Variants in SYNRG observed in about 807,000 individuals in gnomAD.
The protein encoded by SYNRG is synergin gamma, also known as AP1 gamma subunit binding protein 1.
SYNRG carries 37 observed loss-of-function variants against 130.9 expected under a neutral mutation model. The observed-to-expected ratio is 0.28, with a 90% CI of 0.22 to 0.37. SYNRG has a LOEUF of 0.37. Among genes scored for constraint, SYNRG ranks in the 10% least tolerant of loss-of-function variants. SYNRG has a pLI of 1.00. For synonymous variants in SYNRG, 539 were observed against 568.1 expected, an observed-to-expected ratio of 0.95 and a Z score of 0.73; for missense variants, 1,338 against 1,588.9, an observed-to-expected ratio of 0.84 and a Z score of 2.68.
At chr17:37,540,282 C>A in intron 16 of SYNRG, 98 bp downstream of exon 16, 2 of 1,405,136 alleles carry the variant, frequency 1.4e-6, no homozygotes, top group East Asian at 2.3e-5. Context: ...TCTTTCTGCC[C>A]CTCATTTTCC....
chr17:37,588,252 T>A (rs1195839639), intron 3 of SYNRG, among the ~76,000 whole-genome samples: 1 of 147,652 alleles, frequency 6.8e-6, no homozygotes, highest in Non-Finnish European at 1.5e-5. Flanking sequence ...GGATTCACTT[T>A]AAATTCTTTT....
chr17:37,600,303 T>C, intron 2 of SYNRG, 60 bp downstream of exon 2: 3 of 1,433,508 alleles, frequency 2.1e-6, no homozygotes, highest in South Asian at 2.8e-5. Flanking sequence ...CTTATTTAAT[T>C]CCCAGATTCA....
chr17:37,560,960 C>T (rs2059483387), intron 13 of SYNRG, among the ~76,000 whole-genome samples: 1 of 152,184 alleles, frequency 6.6e-6, no homozygotes, highest in African/African-American at 2.4e-5. Context: ...CCACTGCACC[C>T]AGCCTAAACA....
At chr17:37,571,670 A>G in intron 9 of SYNRG, 121 bp downstream of exon 9, 1 of 871,808 alleles carries the variant, frequency 1.1e-6, no homozygotes, top group Non-Finnish European at 1.7e-6. Context: ...GAAGTACTAT[A>G]TCCTGAAAAT....
chr17:37,589,247 C>A (rs2061942871), intron 3 of SYNRG, among the ~76,000 whole-genome samples: 1 of 152,152 alleles, frequency 6.6e-6, no homozygotes. Flanking sequence ...GACCACGAAT[C>A]AGCTATAATT....
intron 19 of SYNRG, among the ~76,000 whole-genome samples, chr17:37,521,456 G>A (rs1160255592): frequency 6.6e-6 from 1 of 152,118 alleles, no homozygotes; most frequent in African/African-American, 2.4e-5. Context: ...CACAGGCAAA[G>A]GCTCTGAGCT....
intron 19 of SYNRG, among the ~76,000 whole-genome samples, chr17:37,521,187 C>G (rs542105082): frequency 1.3e-5 from 2 of 151,902 alleles, no homozygotes; most frequent in African/African-American, 4.8e-5. Context: ...CGCGCCACCA[C>G]GTCTGGTTAA....
At chr17:37,606,975 A>G (rs2147201303) in intron 1 of SYNRG, among the ~76,000 whole-genome samples, 1 of 152,302 alleles carries the variant, frequency 6.6e-6, no homozygotes, top group South Asian at 2.1e-4. Flanking sequence ...AAGAAAATTA[A>G]AAAGGAAATA....
chr17:37,559,718 A>G (rs571809283), intron 13 of SYNRG, among the ~76,000 whole-genome samples: 5 of 152,204 alleles, frequency 3.3e-5, no homozygotes, highest in Non-Finnish European at 7.4e-5. Context: ...TGCTGCCTTT[A>G]CAGTCCGCAG....
rs530693398 is a variant in SYNRG, at chr17:37,569,409, G to GAA, written c.1348-487_1348-486dup. 2.4e-3 allele frequency among the ~76,000 whole-genome samples: 142 copies of GAA among 59,322 alleles called. 3 individuals carry two copies. Among genetic ancestry groups the GAA allele is most frequent in the South Asian group, 9.3e-3 (16 of 1,722 alleles). The allele number at this position is 59,322 out of a possible 152,430, so 38.9% of individuals were successfully genotyped here. ...TGGGCGACAGAGCAAGACTCTGGCT[G>GAA]AAAAAAAAAAAAAAAAAAAGCTAAT... On this transcript the variant is annotated intron_variant, in intron 10 of 21. Coordinates refer to ENST00000612223, the MANE Select transcript of SYNRG (RefSeq NM_007247.6).
chr17:37,594,020 A>C (rs1209905727), intron 3 of SYNRG, among the ~76,000 whole-genome samples: 1 of 151,946 alleles, frequency 6.6e-6, no homozygotes, highest in East Asian at 1.9e-4. Flanking sequence ...GACATTATTA[A>C]GGTACTAACA....
At chr17:37,587,882 G>A (rs539833462) in intron 3 of SYNRG, among the ~76,000 whole-genome samples, 53 of 152,248 alleles carry the variant, frequency 3.5e-4, no homozygotes, top group African/African-American at 1.2e-3. Flanking sequence ...TAGGCATCCC[G>A]ACACTTGACC....
chr17:37,555,887 CAG>C (rs756781592), intron 13 of SYNRG, among the ~76,000 whole-genome samples: 33 of 152,010 alleles, frequency 2.2e-4, no homozygotes, highest in Non-Finnish European at 4.6e-4. Flanking sequence ...GCCTGGGGGA[CAG>C]AGAGAGATTC....
chr17:37,572,425 C>T (rs1391961009), intron 8 of SYNRG, among the ~76,000 whole-genome samples: 3 of 148,684 alleles, frequency 2.0e-5, no homozygotes, highest in African/African-American at 5.0e-5. Context: ...AGTGAGACTC[C>T]GTTTCAAAAA....
chr17:37,594,682 G>C (rs924900822), intron 3 of SYNRG, among the ~76,000 whole-genome samples: 1 of 151,988 alleles, frequency 6.6e-6, no homozygotes, highest in Non-Finnish European at 1.5e-5. Flanking sequence ...GGCTGGTCTC[G>C]ATCTCCTGAA....
chr17:37,561,106 T>C (rs2059496446), intron 13 of SYNRG, 89 bp downstream of exon 13: 3 of 1,109,872 alleles, frequency 2.7e-6, no homozygotes, highest in Non-Finnish European at 4.1e-6. Context: ...CACACTAAAA[T>C]AAAGGGAATG....
chr17:37,581,268 TTATTAC>T (rs1402501978), intron 6 of SYNRG, among the ~76,000 whole-genome samples: 145 of 147,240 alleles, frequency 9.8e-4, no homozygotes, highest in African/African-American at 3.4e-3. Context: ...TTTATTATTA[TTATTAC>T]TATTATTATT....
intron 8 of SYNRG, among the ~76,000 whole-genome samples, chr17:37,574,364 T>C (rs1196342197): frequency 1.3e-5 from 2 of 152,104 alleles, no homozygotes; most frequent in Non-Finnish European, 2.9e-5. Flanking sequence ...TCTTGAGTAA[T>C]AACCCAAAAG....
In SYNRG at chr17:37,553,692, C is replaced by T. The variant is rs752419919; in HGVS notation, c.2031G>A (p.Gly677=). The T allele has an allele frequency of 1.1e-5, 18 of 1,613,460 alleles. No individual in the cohort carries two copies. Among genetic ancestry groups the T allele is most frequent in the Non-Finnish European group, 1.5e-5 (18 of 1,179,898 alleles). ...CAACAGGTGCTAGACCAGAATATTC[C>T]CCAAAAAGGCTGAATTCTCCAAAAT... The part of the protein sequence containing the change: ...ADDFGEFSLF[G]EYSGLAPVGE... The change falls in exon 14 of 22, where the codon GGG becomes GGA. Residue 677 remains glycine, a synonymous_variant. Coordinates refer to ENST00000612223, the MANE Select transcript of SYNRG (RefSeq NM_007247.6).
Sources: allele counts gnomAD v4.1 joint callset (sites outside exome capture counted in the v4.1 genomes callset), GRCh38; gene constraint gnomAD v4.1.1; transcripts MANE v1.5; gene names NCBI Gene and HGNC (gene_info 2026-07-23, HGNC 2026-07-21).